The following MAMDC2 variants were observed in gnomAD, a reference collection of about 807,000 sequenced individuals.
MAMDC2 encodes MAM domain-containing protein 2.
A neutral mutation model predicts 89.8 loss-of-function variants in MAMDC2; 57 were observed. The observed-to-expected ratio is 0.63, with a 90% CI of 0.51 to 0.79. The LOEUF is 0.79. Among genes scored for constraint, MAMDC2 ranks in the 30% least tolerant of loss-of-function variants. The pLI is 0.00. For missense variants in MAMDC2, 800 were observed against 820.6 expected (o/e 0.97, Z 0.31); for synonymous variants, 313 against 293.4 (o/e 1.07, Z -0.68).
At chr9:70,188,741 G>A (rs1415096098) in intron 11 of MAMDC2, 1 of 142,612 alleles carries the variant, frequency 7.0e-6, no homozygotes, top group Non-Finnish European at 1.5e-5. Context: ...CCAAAACACT[G>A]AGAGGTGATC....
intron 7 of MAMDC2, among the ~76,000 whole-genome samples, chr9:70,137,548 A>G (rs1016357078): frequency 1.2e-4 from 18 of 152,144 alleles, no homozygotes; most frequent in Non-Finnish European, 1.5e-4. Context: ...TTTGATTGTC[A>G]TGCCTCTTTC....
intron 2 of MAMDC2, among the ~76,000 whole-genome samples, chr9:70,101,461 A>G (rs1353400465): frequency 6.6e-6 from 1 of 152,148 alleles, no homozygotes; most frequent in African/African-American, 2.4e-5. Context: ...CTCCCTGCTG[A>G]CTCACTGACT....
intron 11 of MAMDC2, chr9:70,172,730 C>T (rs1288381191): frequency 6.5e-6 from 1 of 152,890 alleles, no homozygotes; most frequent in East Asian, 1.9e-4. Context: ...CTTGCTGCTT[C>T]AGCAGATTCT....
At chr9:70,096,524 T>C (rs1366201941) in intron 2 of MAMDC2, among the ~76,000 whole-genome samples, 1 of 152,126 alleles carries the variant, frequency 6.6e-6, no homozygotes, top group African/African-American at 2.4e-5. Flanking sequence ...AAAGCCCCAT[T>C]CAACAACTTT....
At chr9:70,168,595 C>T (rs376348437) in intron 9 of MAMDC2, 107 bp from the exon 10 acceptor site, 1 of 748,520 alleles carries the variant, frequency 1.3e-6, no homozygotes. Flanking sequence ...TGAAGAGCTG[C>T]TTGTAGTTTG....
intron 12 of MAMDC2, among the ~76,000 whole-genome samples, chr9:70,223,036 G>T (rs963355431): frequency 1.3e-5 from 2 of 150,366 alleles, no homozygotes; most frequent in East Asian, 2.0e-4. Context: ...CTACTAAGGC[G>T]CCTAAGGCAA....
intron 6 of MAMDC2, among the ~76,000 whole-genome samples, chr9:70,129,020 T>C (rs2118355242): frequency 6.6e-6 from 1 of 152,262 alleles, no homozygotes; most frequent in Middle Eastern, 3.4e-3. Context: ...TGTGCTCGGA[T>C]ATTTGTATAC....
intron 11 of MAMDC2, among the ~76,000 whole-genome samples, chr9:70,181,066 A>G (rs1241317324): frequency 6.6e-6 from 1 of 152,234 alleles, no homozygotes; most frequent in East Asian, 1.9e-4. Context: ...AGTTTTCTGC[A>G]TATGGCTAGC....
At chr9:70,141,916 T>A (rs1466855196) in intron 8 of MAMDC2, among the ~76,000 whole-genome samples, 1 of 152,208 alleles carries the variant, frequency 6.6e-6, no homozygotes, top group Non-Finnish European at 1.5e-5. Flanking sequence ...TGTTCCTCCC[T>A]TTCTGGGACA....
At chr9:70,071,814 A>G (rs1184867735) in intron 2 of MAMDC2, 1 of 152,202 alleles carries the variant, frequency 6.6e-6, no homozygotes. Context: ...GTGAGCTTGG[A>G]GAATATTACT....
intron 11 of MAMDC2, among the ~76,000 whole-genome samples, chr9:70,212,184 A>C (rs192554509): frequency 1.3e-5 from 2 of 152,322 alleles, no homozygotes; most frequent in East Asian, 1.9e-4. Context: ...AGTCTGCAGA[A>C]GTTTCTGCTG....
intron 2 of MAMDC2, among the ~76,000 whole-genome samples, chr9:70,094,380 T>G (rs1258124682): frequency 4.6e-5 from 7 of 152,204 alleles, no homozygotes; most frequent in Non-Finnish European, 2.9e-5. Flanking sequence ...TTCTAAATGC[T>G]TCCCACAAAC....
At chr9:70,181,717 C>G (rs573159876) in intron 11 of MAMDC2, among the ~76,000 whole-genome samples, 1 of 152,276 alleles carries the variant, frequency 6.6e-6, no homozygotes, top group East Asian at 1.9e-4. Flanking sequence ...TATCCAGAGA[C>G]TTTGCTGAAG....
chr9:70,226,129 T>C lies in MAMDC2; in HGVS notation c.*97T>C. On this transcript the variant is annotated 3_prime_UTR_variant, in exon 14 of 14. Coordinates refer to ENST00000377182, the MANE Select transcript of MAMDC2 (RefSeq NM_153267.5). ...GAATACTGGACAGTCTTAACAATTTTATAAGTTATAAAATGACTTTAGAGC... is the reference window on the plus strand; with the variant it reads ...GAATACTGGACAGTCTTAACAATTTCATAAGTTATAAAATGACTTTAGAGC... The C allele has an allele frequency of 1.4e-6, 1 of 693,562 alleles. No homozygotes were observed. Among genetic ancestry groups the C allele is most frequent in the South Asian group, 2.7e-5 (1 of 37,514 alleles). The allele number at this position is 693,562 out of a possible 1,614,324, so 43.0% of individuals were successfully genotyped here.
At chr9:70,223,749 A>G (rs1051937994) in intron 12 of MAMDC2, among the ~76,000 whole-genome samples, 1 of 152,228 alleles carries the variant, frequency 6.6e-6, no homozygotes, top group Non-Finnish European at 1.5e-5. Context: ...TGTTATGTCT[A>G]TTATCTAAAT....
At chr9:70,130,045 T>TGTGTGTGTGA (rs1554673785) in intron 6 of MAMDC2, among the ~76,000 whole-genome samples, 1 of 147,532 alleles carries the variant, frequency 6.8e-6, no homozygotes, top group African/African-American at 2.5e-5. Flanking sequence ...TGTGTGTGTG[T>TGTGTGTGTGA]GAGAGTGTCT....
intron 6 of MAMDC2, among the ~76,000 whole-genome samples, chr9:70,131,033 G>A (rs895281442): frequency 3.9e-5 from 6 of 152,112 alleles, no homozygotes; most frequent in African/African-American, 1.4e-4. Flanking sequence ...CAACAGAAAT[G>A]TATTTCTTAC....
intron 2 of MAMDC2, among the ~76,000 whole-genome samples, chr9:70,082,256 G>A (rs181754165): frequency 1.5e-3 from 225 of 152,196 alleles, no homozygotes; most frequent in African/African-American, 5.3e-3. Flanking sequence ...ATGATATAGA[G>A]AACATGGAAT....
chr9:70,217,206 G>A (rs2033464268), intron 11 of MAMDC2: 3 of 769,398 alleles, frequency 3.9e-6, no homozygotes, highest in East Asian at 2.4e-5. Context: ...CGAAGGTCGA[G>A]CTGTGCAGTT....
Sources: gnomAD v4.1 joint callset for allele counts (sites outside exome capture counted in the v4.1 genomes callset) on GRCh38, gnomAD v4.1.1 for gene constraint, MANE v1.5 for transcripts, NCBI Gene and HGNC (gene_info 2026-07-23, HGNC 2026-07-21) for gene names.